ZSWIM8: variants seen among roughly 807,000 people sequenced by gnomAD.
The protein encoded by ZSWIM8 is zinc finger SWIM-type containing 8.
Under a neutral mutation model 173.7 loss-of-function variants are expected in ZSWIM8, and 27 were observed. The observed-to-expected ratio is 0.16, with a 90% CI of 0.11 to 0.21. The LOEUF (loss-of-function observed/expected upper bound fraction) is 0.21. Among genes scored for constraint, ZSWIM8 ranks in the 10% least tolerant of loss-of-function variants. ZSWIM8 has a pLI of 1.00. For missense variants in ZSWIM8, 1,627 were observed against 2,428.8 expected, an observed-to-expected ratio of 0.67 and a Z score of 6.94; for synonymous variants, 958 against 962.0, an observed-to-expected ratio of 1.00 and a Z score of 0.08.
rs756441280 is a variant in ZSWIM8, at chr10:73,797,342, CCTGACTT to C, written c.3434-30_3434-24del. 4 of 1,612,982 alleles carry C rather than the reference CCTGACTT, an allele frequency of 2.5e-6. No homozygotes were observed. Among genetic ancestry groups the C allele is most frequent in the Non-Finnish European group, 2.5e-6 (3 of 1,179,200 alleles). ...GGTTGGAGTCTTAACATCTGGGACT[CCTGACTT>C]CTGAGACTGACTTCTCTTGGGGGTT... On this transcript the variant is annotated intron_variant, in intron 17 of 25. Transcript: ENST00000604729. This position sits in a 1 kb window ranked among gnomAD's most constrained non-coding sequence, Gnocchi z 5.6.
rs183190137 is a variant in ZSWIM8 at position 73,796,689 on chromosome 10, C to A, written c.3034-85C>A. 1,684 of 1,546,926 alleles carry A rather than the reference C, an allele frequency of 1.1e-3. 8 individuals carry two copies. Among genetic ancestry groups the A allele is most frequent in the Middle Eastern group, 0.01 (61 of 5,890 alleles). On this transcript the variant is annotated intron_variant, in intron 15 of 25. Transcript: ENST00000604729. Reference sequence around the variant, plus strand: ...CTGAGGATGTAGCAATTGGCTGTTTCAAGGAGAAAGGAAGGTAATAGAAGT... The same window carrying A: ...CTGAGGATGTAGCAATTGGCTGTTTAAAGGAGAAAGGAAGGTAATAGAAGT...
At position 73,793,878 on chromosome 10, in the gene ZSWIM8, A is replaced by G; in HGVS notation, c.2459A>G (p.Lys820Arg). 6.2e-7 allele frequency: 1 copy of G among 1,608,108 alleles called. No homozygotes were observed. The highest frequency in any genetic ancestry group is 8.5e-7 in the Non-Finnish European group (1 of 1,177,866). ...TTCCCTTTCTAGGGCAAGAAGAACA[A>G]GGTATCCACGAGCCGTCAGACCTGG... ...EPPPAKGKKN[K>R]VSTSRQTWVA... Residue 820 changes from lysine (K) to arginine (R), a missense_variant, in exon 12 of 26, where the codon AAG (lysine) becomes AGG (arginine). Transcript: ENST00000604729.
rs2083194233 is a variant in ZSWIM8 at position 73,785,718 on chromosome 10, T to C, written c.-161T>C. The C allele has an allele frequency of 1.3e-6, 1 of 760,654 alleles. No homozygotes were observed. The highest frequency in any genetic ancestry group is 2.2e-6 in the Non-Finnish European group (1 of 449,430). 47.1% of individuals were successfully genotyped at this position (760,654 alleles called of 1,614,324 possible). A position where few individuals can be genotyped will look rare whatever the true frequency, so the allele number is the denominator to read the frequency against. ...TGGGCGAGGCCCGGTCCCGTCTCTT[T>C]CCCAGGCCTGAGATTCTCGCCCGGC... On this transcript the variant is annotated 5_prime_UTR_variant, in exon 1 of 26. Transcript: ENST00000604729.
intron 15 of ZSWIM8, chr10:73,796,371 A>G: frequency 2.3e-6 from 1 of 427,434 alleles, no homozygotes; most frequent in Admixed American, 3.0e-5. Flanking sequence ...GAAGAAGAAG[A>G]AAAAAAGAAA....
Position 73,800,298 on chromosome 10 carries a change from A to G in ZSWIM8, c.4828A>G (p.Ser1610Gly), listed in dbSNP as rs2083880263. Reference sequence around the variant, plus strand: ...CACATGGCTCTCACCCCACTTAGTGAGCAGTGTCCATCCAGCATCCACGTT... The same window carrying G: ...CACATGGCTCTCACCCCACTTAGTGGGCAGTGTCCATCCAGCATCCACGTT... ...GLPLPTSVAL[S>G]SVHPASTFPA... Residue 1610 changes from serine to glycine, a missense_variant and splice_region_variant, in exon 23 of 26, where the codon AGC (serine) becomes GGC (glycine). Physicochemically the swap from Ser to Gly is moderately conservative, Grantham distance 56. Around this residue, in one of 18 missense-constraint regions of ZSWIM8, gnomAD observed 275 missense variants for 290.1 expected, o/e 0.95. Coordinates refer to ENST00000604729, the MANE Select transcript of ZSWIM8 (RefSeq NM_001367799.1). The surrounding 1 kb of genome is among the most constrained non-coding windows in gnomAD (Gnocchi z 4.1). 6.2e-7 allele frequency: 1 copy of G among 1,613,556 alleles called. No homozygotes were observed. Among genetic ancestry groups the G allele is most frequent in the Non-Finnish European group, 8.5e-7 (1 of 1,179,730 alleles).
intron 21 of ZSWIM8, chr10:73,799,696 C>T (rs2083834799): frequency 2.7e-6 from 2 of 727,366 alleles, no homozygotes; most frequent in African/African-American, 1.8e-5. Flanking sequence ...TTTGAGAGGC[C>T]GATGTGGGTG....
intron 20 of ZSWIM8, 75 bp downstream of exon 20, chr10:73,798,528 C>A: frequency 1.5e-6 from 2 of 1,345,782 alleles, no homozygotes; most frequent in Non-Finnish European, 2.0e-6. Context: ...AAGCTAAGGG[C>A]CCAGCTCTTG....
In ZSWIM8 at chr10:73,801,780, C is replaced by T. The variant is rs892820294; in HGVS notation, c.*261C>T. 9.7e-6 allele frequency: 14 copies of T among 1,443,724 alleles called. No individual in the cohort carries two copies. The African/African-American group carries it at 1.7e-4, about 18-fold the overall frequency. The allele number at this position is 1,443,724 out of a possible 1,614,324, so 89.4% of individuals were successfully genotyped here. A position where few individuals can be genotyped will look rare whatever the true frequency, so the allele number is the denominator to read the frequency against. ...TTTGGCATTTATAAATATATAAACTCCTTTTTTACTCTAGTCGACCTGGGC... is the reference window on the plus strand; with the variant it reads ...TTTGGCATTTATAAATATATAAACTTCTTTTTTACTCTAGTCGACCTGGGC... On this transcript the variant is annotated 3_prime_UTR_variant, in exon 26 of 26. Transcript: ENST00000604729. The surrounding 1 kb of genome is among the most constrained non-coding windows in gnomAD (Gnocchi z 4.9).
chr10:73,800,592 G>T lies in ZSWIM8; in HGVS notation c.5003-48G>T. 6.2e-7 allele frequency: 1 copy of T among 1,608,614 alleles called. No homozygotes were observed. The highest frequency in any genetic ancestry group is 8.5e-7 in the Non-Finnish European group (1 of 1,176,686). On this transcript the variant is annotated intron_variant, in intron 23 of 25. Coordinates refer to ENST00000604729, the MANE Select transcript of ZSWIM8 (RefSeq NM_001367799.1). This position sits in a 1 kb window ranked among gnomAD's most constrained non-coding sequence, Gnocchi z 4.1. ...GTCAGGTGACAGGTTGGGGTAAAGG[G>T]TGAAGAGGATACACCGTACCATGTG...
chr10:73,788,972 C>T (rs188182819), intron 2 of ZSWIM8, 124 bp from the exon 3 acceptor site: 3 of 855,858 alleles, frequency 3.5e-6, no homozygotes, highest in African/African-American at 1.8e-5. Context: ...CTCCCTCCCC[C>T]CCACCCCCCG....
Position 73,791,777 on chromosome 10 carries a change from CCT to C in ZSWIM8, c.1320-77_1320-76del. The C allele has an allele frequency of 7.0e-7, 1 of 1,430,894 alleles. No individual in the cohort carries two copies. The highest frequency in any genetic ancestry group is 9.2e-7 in the Non-Finnish European group (1 of 1,082,374). 88.6% of individuals were successfully genotyped at this position (1,430,894 alleles called of 1,614,324 possible). A position where few individuals can be genotyped will look rare whatever the true frequency, so the allele number is the denominator to read the frequency against. ...TACTTTCCTGTATCCTTTCCCCATG[CCT>C]CTCTTTGGGGTGTACACCTACTCCA... On this transcript the variant is annotated intron_variant, in intron 9 of 25. Transcript: ENST00000604729. The surrounding 1 kb of genome is among the most constrained non-coding windows in gnomAD (Gnocchi z 6.0).
At chr10:73,799,886 C>T (rs1437933415) in intron 21 of ZSWIM8, 125 bp from the exon 22 acceptor site, 6 of 989,410 alleles carry the variant, frequency 6.1e-6, no homozygotes, top group Non-Finnish European at 7.4e-6. Flanking sequence ...GCACTCCAGC[C>T]TGGAGGACAG....
Position 73,789,305 on chromosome 10 carries a change from G to A in ZSWIM8, c.458-62G>A, listed in dbSNP as rs536103056. ...GTTGTCTGAATAACTGCAGGGCCAG[G>A]GTCAAGGGCAGAGACCCAGGTCCTG... is the stretch of plus-strand genomic sequence containing the variant. On this transcript the variant is annotated intron_variant, in intron 3 of 25. Transcript: ENST00000604729. This position sits in a 1 kb window ranked among gnomAD's most constrained non-coding sequence, Gnocchi z 6.8. 1 of 1,574,566 alleles carries A rather than the reference G, an allele frequency of 6.4e-7. No homozygotes were observed. Among genetic ancestry groups the A allele is most frequent in the African/African-American group, 1.3e-5 (1 of 74,346 alleles).
In ZSWIM8 at chr10:73,793,867, CAAG is replaced by C. The variant is rs757600322; in HGVS notation, c.2454_2456del (p.Lys818del). ...TCCTGTGTTTCTTCCCTTTCTAGGG[CAAG>C]AAGAACAAGGTATCCACGAGCCGTC... is the stretch of plus-strand genomic sequence containing the variant. On this transcript the variant is annotated inframe_deletion, in exon 12 of 26. Coordinates refer to ENST00000604729, the MANE Select transcript of ZSWIM8 (RefSeq NM_001367799.1). 4.4e-6 allele frequency: 7 copies of C among 1,604,000 alleles called. No homozygotes were observed. The highest frequency in any genetic ancestry group is 4.5e-5 in the East Asian group (2 of 44,874).
intron 13 of ZSWIM8, 63 bp from the exon 14 acceptor site, chr10:73,794,477 TC>T: frequency 1.3e-6 from 2 of 1,568,636 alleles, no homozygotes; most frequent in Non-Finnish European, 1.7e-6. Flanking sequence ...GATTTTGGGT[TC>T]CCCTGTATTT....
rs996320938 is a variant in ZSWIM8, at chr10:73,798,133, T to C, written c.3952+63T>C. The C allele has an allele frequency of 2.5e-6, 4 of 1,595,772 alleles. No homozygotes were observed. The South Asian group carries it at 4.5e-5, about 18-fold the overall frequency. On this transcript the variant is annotated intron_variant, in intron 19 of 25. Transcript: ENST00000604729. ...TTAATTGGTGGGGATAAGACCCTTA[T>C]CTTTGTGGGGTTACTGATCTGATAA...
Position 73,799,972 on chromosome 10 carries a change from C to A in ZSWIM8, c.4666-39C>A, listed in dbSNP as rs2083859023. On this transcript the variant is annotated intron_variant, in intron 21 of 25. Coordinates refer to ENST00000604729, the MANE Select transcript of ZSWIM8 (RefSeq NM_001367799.1). ...TGAAGCACGACAGCAACATCCTAAT[C>A]AAGTTTGGCATCTTCCCCTTTCTTC... 3.1e-6 allele frequency: 5 copies of A among 1,598,786 alleles called. No individual in the cohort carries two copies. In the African/African-American group the frequency reaches 6.7e-5, roughly 21 times the overall value.
rs367989692 is a variant in ZSWIM8, at chr10:73,800,711, C to T, written c.5074C>T (p.Pro1692Ser). ...CCCCAACAACTTCTCCCGCTCCCCC[C>T]CCTACACTGATGATGTCAAATGGTT... The part of the protein sequence containing the change: ...DHPNNFSRSP[P>S]YTDDVKWLLG... The change falls in exon 24 of 26, where the codon CCC (proline) becomes TCC (serine). Residue 1692 changes from proline to serine, a missense_variant. This residue lies in a region of ZSWIM8 where 30 missense variants were observed against 20.9 expected (regional missense o/e 1.44). Coordinates refer to ENST00000604729, the MANE Select transcript of ZSWIM8 (RefSeq NM_001367799.1). This position sits in a 1 kb window ranked among gnomAD's most constrained non-coding sequence, Gnocchi z 4.1. 1.2e-5 allele frequency: 19 copies of T among 1,613,818 alleles called. No homozygotes were observed. Among genetic ancestry groups the T allele is most frequent in the South Asian group, 8.8e-5 (8 of 91,074 alleles).
Position 73,793,693 on chromosome 10 carries a change from C to G in ZSWIM8, c.2419C>G (p.Leu807Val). The change falls in exon 11 of 26, where the codon CTC (leucine) becomes GTC (valine). Residue 807 changes from leucine (L) to valine (V), a missense_variant. Coordinates refer to ENST00000604729, the MANE Select transcript of ZSWIM8 (RefSeq NM_001367799.1). ...AQDLLANPPD[L>V]KVEPPPAKGK... Reference sequence around the variant, plus strand: ...GGATCTGCTAGCCAACCCACCCGACCTCAAGGTAGAGCCGCCCCCTGCCAA... The same window carrying G: ...GGATCTGCTAGCCAACCCACCCGACGTCAAGGTAGAGCCGCCCCCTGCCAA... The G allele has an allele frequency of 6.2e-7, 1 of 1,613,310 alleles. No homozygotes were observed. Among genetic ancestry groups the G allele is most frequent in the Non-Finnish European group, 8.5e-7 (1 of 1,179,542 alleles).
Sources: gnomAD v4.1 joint callset for allele counts on GRCh38, gnomAD v4.1.1 for gene constraint, gnomAD v4.1.1 regional missense constraint, Gnocchi (gnomAD v3.1) non-coding constraint, MANE v1.5 for transcripts, NCBI Gene and HGNC (gene_info 2026-07-23, HGNC 2026-07-21) for gene names.